TNPO1: variants seen among roughly 807,000 people sequenced by gnomAD.
TNPO1 encodes the protein transportin-1.
A neutral mutation model predicts 119.5 loss-of-function variants in TNPO1; 8 were observed. That is an observed-to-expected ratio of 0.07 (90% CI 0.04 to 0.12). The LOEUF (loss-of-function observed/expected upper bound fraction) is 0.12. TNPO1 is among the 10% of genes least tolerant of loss of function. The pLI is 1.00. For missense variants in TNPO1, 576 were observed against 1,089.8 expected, an observed-to-expected ratio of 0.53 and a Z score of 6.64; for synonymous variants, 362 against 363.0, an observed-to-expected ratio of 1.00 and a Z score of 0.03.
At chr5:72,874,319 C>G (rs544783596) in intron 7 of TNPO1, among the ~76,000 whole-genome samples, 1 of 152,050 alleles carries the variant, frequency 6.6e-6, no homozygotes, top group Non-Finnish European at 1.5e-5. Context: ...ATCATGTCTG[C>G]TAAGTCTAAC....
intron 1 of TNPO1, among the ~76,000 whole-genome samples, chr5:72,831,483 C>G (rs1451793761): frequency 1.3e-5 from 2 of 151,886 alleles, no homozygotes; most frequent in South Asian, 2.1e-4. Flanking sequence ...ATTACTGTTT[C>G]TGTATTTTTT....
chr5:72,901,599 G>T (rs972113906), intron 22 of TNPO1, among the ~76,000 whole-genome samples: 1 of 151,996 alleles, frequency 6.6e-6, no homozygotes, highest in South Asian at 2.1e-4. Flanking sequence ...TTAATTATTC[G>T]GCAGTAGTAT....
chr5:72,868,161 G>A (rs570426619), intron 6 of TNPO1, among the ~76,000 whole-genome samples: 9 of 152,064 alleles, frequency 5.9e-5, no homozygotes, highest in African/African-American at 1.4e-4. Flanking sequence ...GGCCGGGCGC[G>A]GTGGCTCACG....
chr5:72,830,271 ACT>A, intron 1 of TNPO1, among the ~76,000 whole-genome samples: 1 of 152,216 alleles, frequency 6.6e-6, no homozygotes, highest in South Asian at 2.1e-4. Context: ...ATATACACAC[ACT>A]CACTGGAGTG....
chr5:72,885,430 C>CAAGT (rs1748548833), intron 11 of TNPO1, among the ~76,000 whole-genome samples: 1 of 152,212 alleles, frequency 6.6e-6, no homozygotes, highest in Non-Finnish European at 1.5e-5. Context: ...GGGAACACTT[C>CAAGT]CTCTTCACAT....
Position 72,910,907 on chromosome 5 carries a change from G to A in TNPO1, c.*2234G>A, listed in dbSNP as rs1282124228. The A allele has an allele frequency of 3.9e-5, 6 of 151,928 alleles. No homozygotes were observed. Among genetic ancestry groups the A allele is most frequent in the African/African-American group, 1.4e-4 (6 of 41,382 alleles). The allele number at this position is 151,928 out of a possible 1,614,324, so 9.4% of individuals were successfully genotyped here. On this transcript the variant is annotated 3_prime_UTR_variant, in exon 25 of 25. Transcript: ENST00000337273. ...GCCTGAAATTAAATTATTTTATAGTGCCTGATATTTTTAATATTATAAGTT... is the reference window on the plus strand; with the variant it reads ...GCCTGAAATTAAATTATTTTATAGTACCTGATATTTTTAATATTATAAGTT...
intron 18 of TNPO1, among the ~76,000 whole-genome samples, chr5:72,894,784 A>G (rs1436857594): frequency 3.3e-5 from 5 of 152,240 alleles, no homozygotes; most frequent in Non-Finnish European, 7.3e-5. Context: ...AACTAACATA[A>G]TTAACATTAA....
intron 6 of TNPO1, 139 bp from the exon 7 acceptor site, chr5:72,872,500 A>G (rs1747478395): frequency 3.6e-6 from 2 of 551,316 alleles, no homozygotes; most frequent in Admixed American, 7.3e-5. Flanking sequence ...TTGTTGATAC[A>G]GAAGTTTGAC....
At position 72,852,821 on chromosome 5, in the gene TNPO1, CTT is replaced by C. The variant is rs746136305; in HGVS notation, c.205+1503_205+1504del. ...AGGACACAATAGAAAATTTAGAACT[CTT>C]AAGTCTAGGTTTTAAGAAACTAAGA... is the stretch of plus-strand genomic sequence containing the variant. On this transcript the variant is annotated intron_variant, in intron 3 of 24. Transcript: ENST00000337273. Among the ~76,000 whole-genome samples the C allele has an allele frequency of 1.2e-4, 19 of 152,232 alleles. 1 individual carries two copies. The highest frequency in any genetic ancestry group is 7.2e-4 in the Admixed American group (11 of 15,298).
chr5:72,840,244 G>A (rs1744850380), intron 1 of TNPO1, among the ~76,000 whole-genome samples: 1 of 152,120 alleles, frequency 6.6e-6, no homozygotes, highest in Non-Finnish European at 1.5e-5. Context: ...GGAGTTGGGT[G>A]CATCTGGGCT....
intron 1 of TNPO1, among the ~76,000 whole-genome samples, chr5:72,839,330 G>C (rs937152111): frequency 6.6e-6 from 1 of 152,136 alleles, no homozygotes; most frequent in Non-Finnish European, 1.5e-5. Flanking sequence ...TTACTCATAA[G>C]TTGATTTGAT....
At chr5:72,903,599 CT>C in intron 22 of TNPO1, 109 bp from the exon 23 acceptor site, 1 of 697,508 alleles carries the variant, frequency 1.4e-6, no homozygotes, top group South Asian at 2.2e-5. Flanking sequence ...TAAATGTTTC[CT>C]TTTTTAAGCT....
At chr5:72,817,972 TAG>T (rs1263430841) in intron 1 of TNPO1, among the ~76,000 whole-genome samples, 1 of 152,252 alleles carries the variant, frequency 6.6e-6, no homozygotes, top group Non-Finnish European at 1.5e-5. Flanking sequence ...TAGTTGTTCC[TAG>T]AGAAGGCTGT....
intron 15 of TNPO1, 76 bp from the exon 16 acceptor site, chr5:72,893,063 T>C: frequency 9.0e-7 from 1 of 1,107,030 alleles, no homozygotes; most frequent in Non-Finnish European, 1.3e-6. Context: ...AGGATCCTGT[T>C]GAGCGCAGTT....
chr5:72,851,480 T>G (rs956409277), intron 3 of TNPO1, among the ~76,000 whole-genome samples, 161 bp downstream of exon 3: 1 of 152,230 alleles, frequency 6.6e-6, no homozygotes, highest in African/African-American at 2.4e-5. Context: ...TTTACATGTT[T>G]AATAAGAATT....
At chr5:72,849,803 G>C (rs141191972) in intron 2 of TNPO1, among the ~76,000 whole-genome samples, 1 of 152,276 alleles carries the variant, frequency 6.6e-6, no homozygotes, top group Non-Finnish European at 1.5e-5. Context: ...AATTTGTGTT[G>C]TCATAGTTCT....
intron 3 of TNPO1, 133 bp downstream of exon 3, chr5:72,851,452 A>G: frequency 1.7e-6 from 1 of 590,730 alleles, no homozygotes; most frequent in East Asian, 3.0e-5. Flanking sequence ...AAACAGTCTT[A>G]GTTAATACCA....
At chr5:72,877,094 C>CAAAAAAA (rs35883847) in intron 8 of TNPO1, 134 bp from the exon 9 acceptor site, 2 of 235,302 alleles carry the variant, frequency 8.5e-6, no homozygotes, top group South Asian at 9.2e-5. Context: ...GACTGCATCT[C>CAAAAAAA]AAAAAAAAAA....
intron 13 of TNPO1, among the ~76,000 whole-genome samples, chr5:72,889,519 C>T (rs1748900799): frequency 6.6e-6 from 1 of 151,750 alleles, no homozygotes; most frequent in South Asian, 2.1e-4. Context: ...ATACTAAATG[C>T]TGAGTTTACA....
Sources: allele counts gnomAD v4.1 joint callset (sites outside exome capture counted in the v4.1 genomes callset), GRCh38; gene constraint gnomAD v4.1.1; transcripts MANE v1.5; gene names NCBI Gene and HGNC (gene_info 2026-07-23, HGNC 2026-07-21).